Variants in ZNF175 observed in about 807,000 individuals in gnomAD.
ZNF175 encodes the protein zinc finger protein OTK18.
A neutral mutation model predicts 14.0 loss-of-function variants in ZNF175; 8 were observed. The ratio of observed to expected loss-of-function variants is 0.57; its 90% confidence interval spans 0.34 to 1.03. The LOEUF (loss-of-function observed/expected upper bound fraction) is 1.03, where lower values mean the gene tolerates loss of function less well. Among genes scored for constraint, ZNF175 ranks in the 50% least tolerant of loss-of-function variants. The probability of loss-of-function intolerance (pLI) is 0.03; values close to 1 mark genes in which losing one functional copy is unlikely to be tolerated. For missense variants in ZNF175, 764 were observed against 849.5 expected (o/e 0.90, Z 1.25); for synonymous variants, 255 against 296.8 (o/e 0.86, Z 1.45).
chr19:51,586,525 C>T, intron 4 of ZNF175, 102 bp from the exon 5 acceptor site: 1 of 1,170,724 alleles, frequency 8.5e-7, no homozygotes, highest in Non-Finnish European at 1.2e-6. Context: ...AGCATTATTA[C>T]ATGACTCAGC....
Position 51,576,176 on chromosome 19 carries a change from G to A in ZNF175, c.72+2775G>A, listed in dbSNP as rs553693425. ...TGTTTTTTTTTTTTTTTGAGACAGA[G>A]TTTCGCTCTTGTCTCCCAGGCTGGA... On this transcript the variant is annotated intron_variant, in intron 2 of 4. Transcript: ENST00000262259. Among the ~76,000 whole-genome samples, 15 of 141,476 alleles carry A rather than the reference G, an allele frequency of 1.1e-4. No homozygotes were observed. The South Asian group carries it at 3.3e-3, about 31-fold the overall frequency. The allele number at this position is 141,476 out of a possible 152,430, so 92.8% of individuals were successfully genotyped here.
Position 51,573,190 on chromosome 19 carries a change from T to G in ZNF175, c.-140T>G. On this transcript the variant is annotated 5_prime_UTR_variant, in exon 2 of 5. Coordinates refer to ENST00000262259, the MANE Select transcript of ZNF175 (RefSeq NM_007147.4). ...CCAGGTCAGGCCACATCATTGAGGC[T>G]GCAGGATCTCTCTTCATAGCCCAGT... 1 of 793,466 alleles carries G rather than the reference T, an allele frequency of 1.3e-6. No individual in the cohort carries two copies. The allele number at this position is 793,466 out of a possible 1,614,324, so 49.2% of individuals were successfully genotyped here. A position where few individuals can be genotyped will look rare whatever the true frequency, so the allele number is the denominator to read the frequency against.
chr19:51,587,628 A>G lies in ZNF175; in HGVS notation c.1297A>G (p.Thr433Ala), dbSNP rs1982212208. 2 of 1,613,686 alleles carry G rather than the reference A, an allele frequency of 1.2e-6. No homozygotes were observed. Among genetic ancestry groups the G allele is most frequent in the Admixed American group, 3.3e-5 (2 of 59,966 alleles). ...TGGGAAAGCCTTTACCCAGAAGTCA[A>G]CACTCAGCTTGCACCAGAGAATCCA... Reference protein sequence around the residue: ...ECGKAFTQKSTLSLHQRIHSG... With the variant: ...ECGKAFTQKSALSLHQRIHSG... The change falls in exon 5 of 5, where the codon ACA (threonine) becomes GCA (alanine). Residue 433 changes from threonine (T) to alanine (A), a missense_variant. Transcript: ENST00000262259.
rs1982362930 is a variant in ZNF175 at position 51,591,948 on chromosome 19, T to G, written c.*3481T>G. ...CATGCCTGGCTAATTTTTTGTATTT[T>G]TAGTAGAGACGGGGTTTCACCGTGT... On this transcript the variant is annotated 3_prime_UTR_variant, in exon 5 of 5. Coordinates refer to ENST00000262259, the MANE Select transcript of ZNF175 (RefSeq NM_007147.4). 1 of 151,758 alleles carries G rather than the reference T, an allele frequency of 6.6e-6. No individual in the cohort carries two copies. Among genetic ancestry groups the G allele is most frequent in the Non-Finnish European group, 1.5e-5 (1 of 67,886 alleles). The allele number at this position is 151,758 out of a possible 1,614,324, so 9.4% of individuals were successfully genotyped here.
In ZNF175 at chr19:51,588,959, A is replaced by G; in HGVS notation, c.*492A>G. The G allele has an allele frequency of 2.8e-6, 1 of 359,302 alleles. No homozygotes were observed. The highest frequency in any genetic ancestry group is 4.9e-6 in the Non-Finnish European group (1 of 203,350). 22.3% of individuals were successfully genotyped at this position (359,302 alleles called of 1,614,324 possible). A position where few individuals can be genotyped will look rare whatever the true frequency, so the allele number is the denominator to read the frequency against. ...ATATATAATATATAAGCATATTATT[A>G]TATACAGGTTGAGTATCCCTTCTCC... On this transcript the variant is annotated 3_prime_UTR_variant, in exon 5 of 5. Transcript: ENST00000262259.
Position 51,575,208 on chromosome 19 carries a change from G to GTTTTTTTTTTTTTTTTT in ZNF175, c.72+1807_72+1808insTTTTTTTTTTTTTTTTT, listed in dbSNP as rs1491081799. Among the ~76,000 whole-genome samples the GTTTTTTTTTTTTTTTTT allele has an allele frequency of 2.0e-5, 2 of 99,202 alleles. 1 individual carries two copies. 65.1% of individuals were successfully genotyped at this position (99,202 alleles called of 152,430 possible). ...GGTTTAGCCTCCGGATTTTTAGAGA[G>GTTTTTTTTTTTTTTTTT]GTTTTTTTTTTTTTTTTTTTTTTTT... On this transcript the variant is annotated intron_variant, in intron 2 of 4. Coordinates refer to ENST00000262259, the MANE Select transcript of ZNF175 (RefSeq NM_007147.4).
chr19:51,578,643 C>T (rs1249735288), intron 2 of ZNF175, among the ~76,000 whole-genome samples: 1 of 152,150 alleles, frequency 6.6e-6, no homozygotes, highest in African/African-American at 2.4e-5. Context: ...TGGTGTGTGC[C>T]TGTGATCCCA....
chr19:51,576,152 G>GGT (rs1568572923), intron 2 of ZNF175, among the ~76,000 whole-genome samples: 1 of 130,966 alleles, frequency 7.6e-6, no homozygotes, highest in African/African-American at 2.8e-5. Flanking sequence ...TTTTTTTTTT[G>GGT]TTTTTTTTTT....
intron 4 of ZNF175, 34 bp from the exon 5 acceptor site, chr19:51,586,593 T>C (rs1265638812): frequency 6.5e-7 from 1 of 1,543,596 alleles, no homozygotes; most frequent in South Asian, 1.3e-5. Context: ...TTCTTGTTCA[T>C]TGTGTCTATT....
chr19:51,588,813 G>T lies in ZNF175; in HGVS notation c.*346G>T. ...TACTCGATTATTTATAGTAAAATAT[G>T]TGGGAAATTATATCAATGATAACCC... On this transcript the variant is annotated 3_prime_UTR_variant, in exon 5 of 5. Coordinates refer to ENST00000262259, the MANE Select transcript of ZNF175 (RefSeq NM_007147.4). 1 of 405,078 alleles carries T rather than the reference G, an allele frequency of 2.5e-6. No individual in the cohort carries two copies. The highest frequency in any genetic ancestry group is 4.4e-6 in the Non-Finnish European group (1 of 229,828). The allele number at this position is 405,078 out of a possible 1,614,324, so 25.1% of individuals were successfully genotyped here. A position where few individuals can be genotyped will look rare whatever the true frequency, so the allele number is the denominator to read the frequency against.
intron 2 of ZNF175, among the ~76,000 whole-genome samples, chr19:51,577,487 T>C (rs756163042): frequency 5.3e-5 from 8 of 152,168 alleles, no homozygotes; most frequent in Non-Finnish European, 1.2e-4. Context: ...TTTTAAGAGC[T>C]TTTAGATATG....
At chr19:51,573,440 T>C in intron 2 of ZNF175, 39 bp downstream of exon 2, 1 of 1,605,514 alleles carries the variant, frequency 6.2e-7, no homozygotes, top group Non-Finnish European at 8.5e-7. Context: ...CTCCAGAACG[T>C]GAGGGCAGAC....
chr19:51,579,350 G>A (rs1981920097), intron 2 of ZNF175, among the ~76,000 whole-genome samples: 2 of 152,058 alleles, frequency 1.3e-5, no homozygotes, highest in African/African-American at 4.8e-5. Context: ...GAGTCTGAGA[G>A]GCAGAGGCTG....
intron 2 of ZNF175, chr19:51,573,718 C>G: frequency 7.2e-6 from 3 of 418,192 alleles, no homozygotes; most frequent in Non-Finnish European, 1.2e-5. Flanking sequence ...CCTTCATCCA[C>G]CACTGGGTCT....
At position 51,588,238 on chromosome 19, in the gene ZNF175, C is replaced by T; in HGVS notation, c.1907C>T (p.Thr636Ile). ...QKSELITHQRTHMGEKPYECL... is the reference protein window; with the variant it reads ...QKSELITHQRIHMGEKPYECL... ...TCAGAGTTGATTACCCATCAAAGAA[C>T]TCACATGGGAGAGAAACCCTATGAA... The change falls in exon 5 of 5, where the codon ACT becomes ATT. Residue 636 changes from threonine (T) to isoleucine (I), a missense_variant. Physicochemically the swap from Thr to Ile is moderately conservative, Grantham distance 89 (BLOSUM62 -1). Transcript: ENST00000262259. 6.2e-7 allele frequency: 1 copy of T among 1,613,906 alleles called. No individual in the cohort carries two copies. The highest frequency in any genetic ancestry group is 8.5e-7 in the Non-Finnish European group (1 of 1,179,938).
Position 51,588,167 on chromosome 19 carries a change from G to C in ZNF175, c.1836G>C (p.Glu612Asp). The C allele has an allele frequency of 6.2e-7, 1 of 1,613,808 alleles. No individual in the cohort carries two copies. The highest frequency in any genetic ancestry group is 8.5e-7 in the Non-Finnish European group (1 of 1,179,932). ...AACATCAAATAACTCACACTAGAGA[G>C]AGGCCTTTTGTCTGTTACAAATGTG... ...FHKHQITHTRERPFVCYKCGK... is the reference protein window; with the variant it reads ...FHKHQITHTRDRPFVCYKCGK... The change falls in exon 5 of 5, where the codon GAG (glutamate) becomes GAC (aspartate). Residue 612 changes from glutamate (E) to aspartate (D), a missense_variant. Transcript: ENST00000262259.
chr19:51,586,453 T>C (rs572996288), intron 4 of ZNF175, among the ~76,000 whole-genome samples, 174 bp from the exon 5 acceptor site: 2 of 152,374 alleles, frequency 1.3e-5, no homozygotes, highest in Non-Finnish European at 2.9e-5. Flanking sequence ...AAGTGCTATG[T>C]AGATAAATGC....
At chr19:51,575,736 C>T (rs1981756768) in intron 2 of ZNF175, among the ~76,000 whole-genome samples, 1 of 152,154 alleles carries the variant, frequency 6.6e-6, no homozygotes, top group Non-Finnish European at 1.5e-5. Flanking sequence ...CTTTTAGTGA[C>T]ATGCTTATAT....
intron 2 of ZNF175, among the ~76,000 whole-genome samples, chr19:51,574,773 T>A (rs927599480): frequency 5.9e-5 from 9 of 152,242 alleles, no homozygotes; most frequent in Non-Finnish European, 1.3e-4. Flanking sequence ...AACTTGCGTG[T>A]TCAGAACATC....
Sources: gnomAD v4.1 joint callset for allele counts (sites outside exome capture counted in the v4.1 genomes callset) on GRCh38, gnomAD v4.1.1 for gene constraint, MANE v1.5 for transcripts, NCBI Gene and HGNC (gene_info 2026-07-23, HGNC 2026-07-21) for gene names.